GLMN: variants seen among roughly 807,000 people sequenced by gnomAD.
The protein encoded by GLMN is glomulin.
A neutral mutation model predicts 87.8 loss-of-function variants in GLMN; 75 were observed. The observed-to-expected ratio is 0.85, with a 90% CI of 0.71 to 1.04. GLMN has a LOEUF of 1.04. Ranked by LOEUF, GLMN falls within the 50% of genes least tolerant of loss-of-function variation. GLMN has a pLI of 0.00. For synonymous variants in GLMN, 206 were observed against 221.6 expected, an observed-to-expected ratio of 0.93 and a Z score of 0.63; for missense variants, 588 against 658.8, an observed-to-expected ratio of 0.89 and a Z score of 1.18.
chr1:92,279,263 T>C (rs1647664161), intron 7 of GLMN, among the ~76,000 whole-genome samples: 1 of 151,824 alleles, frequency 6.6e-6, no homozygotes, highest in African/African-American at 2.4e-5. Context: ...TGAGACCAGC[T>C]TGGCCAACAT....
chr1:92,254,112 G>A (rs528688157), intron 16 of GLMN, among the ~76,000 whole-genome samples: 39 of 152,246 alleles, frequency 2.6e-4, no homozygotes, highest in South Asian at 1.5e-3. Context: ...CAAGAACTTC[G>A]TGAAGCATAT....
chr1:92,285,485 G>A (rs1386703211), intron 7 of GLMN, among the ~76,000 whole-genome samples: 2 of 152,086 alleles, frequency 1.3e-5, no homozygotes, highest in Admixed American at 1.3e-4. Context: ...GCTGGGGGAG[G>A]GATAGCATTA....
At chr1:92,299,350 T>G (rs967709028), upstream of GLMN, among the ~76,000 whole-genome samples, 1 of 152,096 alleles carries the variant, frequency 6.6e-6, no homozygotes, top group Non-Finnish European at 1.5e-5. Context: ...ACGCCAGTGT[T>G]CCAAGATTTC....
chr1:92,312,233 G>A, the GLMN span, among the ~76,000 whole-genome samples: 1 of 152,012 alleles, frequency 6.6e-6, no homozygotes, highest in South Asian at 2.1e-4. Context: ...AACATAGAGG[G>A]ACCCATCTCT....
the GLMN span, chr1:92,304,326 G>C: frequency 1.3e-6 from 2 of 1,524,430 alleles, no homozygotes; most frequent in African/African-American, 2.8e-5. Context: ...AACCAATAAA[G>C]TCTATGATAT....
chr1:92,305,666 AAGAC>A, the GLMN span, among the ~76,000 whole-genome samples: 4 of 152,072 alleles, frequency 2.6e-5, no homozygotes, highest in South Asian at 2.1e-4. Context: ...CTATAAGAAA[AAGAC>A]AGACAAACTA....
At chr1:92,281,074 C>A (rs1384974970) in intron 7 of GLMN, among the ~76,000 whole-genome samples, 1 of 152,146 alleles carries the variant, frequency 6.6e-6, no homozygotes, top group Non-Finnish European at 1.5e-5. Flanking sequence ...ACTTCCATAA[C>A]CTAGCAAGGC....
the GLMN span, among the ~76,000 whole-genome samples, chr1:92,359,738 G>T: frequency 1.3e-5 from 2 of 152,230 alleles, no homozygotes; most frequent in African/African-American, 4.8e-5. Context: ...AACTAGAGCT[G>T]AAGAATGGTG....
the GLMN span, among the ~76,000 whole-genome samples, chr1:92,358,987 T>G: frequency 7.9e-5 from 12 of 152,220 alleles, no homozygotes; most frequent in African/African-American, 2.9e-4. Flanking sequence ...CCAAACTTCT[T>G]GAAGAGCAAG....
intron 16 of GLMN, among the ~76,000 whole-genome samples, chr1:92,256,923 A>C (rs1654350689): frequency 6.6e-6 from 1 of 152,184 alleles, no homozygotes; most frequent in Admixed American, 6.5e-5. Flanking sequence ...GGCAAGAGAA[A>C]GAAATAAAGC....
the GLMN span, among the ~76,000 whole-genome samples, chr1:92,314,822 A>G: frequency 6.6e-6 from 1 of 152,140 alleles, no homozygotes; most frequent in South Asian, 2.1e-4. Flanking sequence ...AGGCAGGTGG[A>G]TCACCTGAGG....
At chr1:92,280,222 C>T in intron 7 of GLMN, among the ~76,000 whole-genome samples, 1 of 152,224 alleles carries the variant, frequency 6.6e-6, no homozygotes, top group African/African-American at 2.4e-5. Flanking sequence ...GGCCGACAGA[C>T]ACCTCAAACA....
the GLMN span, among the ~76,000 whole-genome samples, chr1:92,368,440 A>G: frequency 6.6e-6 from 1 of 152,224 alleles, no homozygotes; most frequent in Non-Finnish European, 1.5e-5. Flanking sequence ...GATAAAAAAC[A>G]TAGAGATTCA....
the GLMN span, among the ~76,000 whole-genome samples, chr1:92,345,412 GAAGA>G: frequency 5.4e-5 from 6 of 111,304 alleles, no homozygotes; most frequent in Middle Eastern, 4.6e-3. Flanking sequence ...GAGAGAGAGA[GAAGA>G]AAGAAAGAGA....
rs762542965 is a variant in GLMN, at chr1:92,267,991, C to T, written c.1020G>A (p.Glu340=). 6 of 1,556,130 alleles carry T rather than the reference C, an allele frequency of 3.9e-6. No homozygotes were observed. Among genetic ancestry groups the T allele is most frequent in the Non-Finnish European group, 5.3e-6 (6 of 1,127,174 alleles). ...TGTCTTCTATTCTCAATAAACTATT[C>T]TCCAGCAGCTCCTACAGATTAAAAT... The part of the protein sequence containing the change: ...SVISKGLELL[E]NSLLRIEDNS... Residue 340 remains glutamate, a synonymous_variant, in exon 11 of 19, where the codon GAG becomes GAA. Coordinates refer to ENST00000370360, the MANE Select transcript of GLMN (RefSeq NM_053274.3).
At chr1:92,298,651 C>A (rs140344457) in intron 1 of GLMN, among the ~76,000 whole-genome samples, 325 of 152,290 alleles carry the variant, frequency 2.1e-3, no homozygotes, top group African/African-American at 7.4e-3. Context: ...CAGGAGGAGA[C>A]CATCGCTTCT....
At chr1:92,264,783 A>C (rs975924883) in intron 13 of GLMN, 145 bp from the exon 14 acceptor site, 1 of 662,782 alleles carries the variant, frequency 1.5e-6, no homozygotes, top group Non-Finnish European at 2.7e-6. Context: ...CAAGGTCATC[A>C]ACCAATTACA....
the GLMN span, among the ~76,000 whole-genome samples, chr1:92,322,833 C>G: frequency 6.7e-6 from 1 of 148,324 alleles, no homozygotes; most frequent in South Asian, 2.1e-4. Context: ...GCTGAGTTCA[C>G]ACCATTGCAC....
intron 7 of GLMN, among the ~76,000 whole-genome samples, chr1:92,282,023 T>C (rs183768039): frequency 1.4e-4 from 21 of 152,254 alleles, no homozygotes; most frequent in Non-Finnish European, 2.6e-4. Context: ...ACGATAATAA[T>C]GGGAGACTTT....
Sources: allele counts gnomAD v4.1 joint callset (sites outside exome capture counted in the v4.1 genomes callset), GRCh38; gene constraint gnomAD v4.1.1; transcripts MANE v1.5; gene names NCBI Gene and HGNC (gene_info 2026-07-23, HGNC 2026-07-21).